The following ZNF691 variants were observed in gnomAD, a reference collection of about 807,000 sequenced individuals.
ZNF691 encodes the protein zinc finger protein 691.
A neutral mutation model predicts 24.1 loss-of-function variants in ZNF691; 11 were observed. That is an observed-to-expected ratio of 0.46 (90% CI 0.29 to 0.75). The LOEUF is 0.75. Ranked by LOEUF, ZNF691 falls within the 30% of genes least tolerant of loss-of-function variation. The probability of loss-of-function intolerance (pLI) is 0.11; values close to 1 mark genes in which losing one functional copy is unlikely to be tolerated. For missense variants in ZNF691, 356 were observed against 409.0 expected (o/e 0.87, Z 1.12); for synonymous variants, 149 against 153.9 (o/e 0.97, Z 0.23).
rs1655419257 is a variant in ZNF691 at position 42,852,252 on chromosome 1, C to T, written c.*439C>T. On this transcript the variant is annotated 3_prime_UTR_variant, in exon 4 of 4. Transcript: ENST00000651192. ...CTAGTTCCCACCTGTTGTGCCCCAACTTTGCTTCTAGATCTCTGGGGTGGG... is the reference window on the plus strand; with the variant it reads ...CTAGTTCCCACCTGTTGTGCCCCAATTTTGCTTCTAGATCTCTGGGGTGGG... 3.3e-6 allele frequency: 1 copy of T among 303,766 alleles called. No homozygotes were observed. Among genetic ancestry groups the T allele is most frequent in the African/African-American group, 2.2e-5 (1 of 45,496 alleles). 18.8% of individuals were successfully genotyped at this position (303,766 alleles called of 1,614,324 possible).
At chr1:42,850,609 A>C in intron 3 of ZNF691, 1 of 1,522,026 alleles carries the variant, frequency 6.6e-7, no homozygotes, top group Admixed American at 2.3e-5. Context: ...TCCCAAAATG[A>C]AAGCTCTTTT....
In ZNF691 at chr1:42,851,654, C is replaced by A; in HGVS notation, c.789C>A (p.Thr263=). 1 of 1,614,214 alleles carries A rather than the reference C, an allele frequency of 6.2e-7. No individual in the cohort carries two copies. Among genetic ancestry groups the A allele is most frequent in the Non-Finnish European group, 8.5e-7 (1 of 1,180,048 alleles). Residue 263 remains threonine, a synonymous_variant, in exon 4 of 4, where the codon ACC becomes ACA. Transcript: ENST00000651192. This position sits in a 1 kb window ranked among gnomAD's most constrained non-coding sequence, Gnocchi z 4.7. ...ATGAGTGCACTGAGTGTGGGCGGAC[C>A]TTCAGCGATATCTCCAACTTTGGAG... ...RPYECTECGR[T]FSDISNFGAH...
chr1:42,848,090 C>G (rs1655288277), intron 1 of ZNF691, among the ~76,000 whole-genome samples: 1 of 152,198 alleles, frequency 6.6e-6, no homozygotes, highest in Admixed American at 6.5e-5. Context: ...GTATCACAAA[C>G]TGAGTGGTAA....
chr1:42,849,742 G>C lies in ZNF691; in HGVS notation c.84G>C (p.Glu28Asp). ...AGGAAATGCTACCACTCTCATCAGA[G>C]GTACTTTTCCCCCCAACTCTTTCCC... is the stretch of plus-strand genomic sequence containing the variant. ...GPEEMLPLSS[E>D]GSEMGSEKEQ... The change falls in exon 3 of 4, where the codon GAG becomes GAC. Residue 28 changes from glutamate (E) to aspartate (D), a missense_variant and splice_region_variant. Glu to Asp is a conservative substitution (Grantham distance 45). Coordinates refer to ENST00000651192, the MANE Select transcript of ZNF691 (RefSeq NM_001242739.2). 6.4e-7 allele frequency: 1 copy of C among 1,550,896 alleles called. No homozygotes were observed.
At chr1:42,850,716 A>T (rs892750684) in intron 3 of ZNF691, 9 of 1,550,532 alleles carry the variant, frequency 5.8e-6, no homozygotes, top group Non-Finnish European at 7.0e-6. Context: ...GTGGTGGTGG[A>T]CAAAGCCGGT....
At position 42,849,678 on chromosome 1, in the gene ZNF691, C is replaced by G. The variant is rs1184026170; in HGVS notation, c.20C>G (p.Thr7Ser). 1.9e-6 allele frequency: 3 copies of G among 1,551,100 alleles called. No individual in the cohort carries two copies. Reference protein sequence around the residue: MSLCSPTHSAEMSLFLQ... With the variant: MSLCSPSHSAEMSLFLQ... ...TTGTTCATGTCACTCTGTTCACCAACCCACTCTGCTGAAATGTCGTTATTT... is the reference window on the plus strand; with the variant it reads ...TTGTTCATGTCACTCTGTTCACCAAGCCACTCTGCTGAAATGTCGTTATTT... Residue 7 changes from threonine to serine, a missense_variant, in exon 3 of 4, where the codon ACC becomes AGC. Coordinates refer to ENST00000651192, the MANE Select transcript of ZNF691 (RefSeq NM_001242739.2).
chr1:42,846,997 G>C (rs1480051738), intron 1 of ZNF691, among the ~76,000 whole-genome samples: 1 of 151,910 alleles, frequency 6.6e-6, no homozygotes, highest in Non-Finnish European at 1.5e-5. Flanking sequence ...ACCAGCTCTT[G>C]TACCCTTGGA....
At position 42,849,808 on chromosome 1, in the gene ZNF691, A is replaced by G. The variant is rs1187539288; in HGVS notation, c.84+66A>G. The G allele has an allele frequency of 3.1e-6, 4 of 1,310,528 alleles. No homozygotes were observed. In the African/African-American group the frequency reaches 4.4e-5, roughly 14 times the overall value. The allele number at this position is 1,310,528 out of a possible 1,614,324, so 81.2% of individuals were successfully genotyped here. A position where few individuals can be genotyped will look rare whatever the true frequency, so the allele number is the denominator to read the frequency against. ...GAACCCAAAGGAGTCTGTGCAGCTT[A>G]GCACACATTAGTGATGTTTGCACAA... On this transcript the variant is annotated intron_variant, in intron 3 of 3. Coordinates refer to ENST00000651192, the MANE Select transcript of ZNF691 (RefSeq NM_001242739.2).
rs763861151 is a variant in ZNF691, at chr1:42,850,975, A to G, written c.110A>G (p.Glu37Gly). ...GGTTCAGAGATGGGCAGTGAGAAGG[A>G]GCAGAGTCCAGAACCACACCTGCCT... ...SEGSEMGSEK[E>G]QSPEPHLPEE... Residue 37 changes from glutamate to glycine, a missense_variant, in exon 4 of 4, where the codon GAG becomes GGG. Transcript: ENST00000651192. The G allele has an allele frequency of 2.0e-6, 3 of 1,536,540 alleles. No individual in the cohort carries two copies. The highest frequency in any genetic ancestry group is 2.6e-5 in the South Asian group (2 of 76,594).
rs749840780 is a variant in ZNF691 at position 42,851,623 on chromosome 1, G to A, written c.758G>A (p.Arg253Lys). The A allele has an allele frequency of 3.7e-5, 60 of 1,613,892 alleles. 1 individual carries two copies. In the South Asian group the frequency reaches 4.3e-4, roughly 12 times the overall value. The change falls in exon 4 of 4, where the codon AGA becomes AAA. Residue 253 changes from arginine (R) to lysine (K), a missense_variant. By Grantham distance (26) the Arg-to-Lys change is conservative. Transcript: ENST00000651192. This position sits in a 1 kb window ranked among gnomAD's most constrained non-coding sequence, Gnocchi z 4.7. ...CATCACCGCACCCACACAGGTGAGA[G>A]ACCTTATGAGTGCACTGAGTGTGGG... is the stretch of plus-strand genomic sequence containing the variant. ...GVHHRTHTGE[R>K]PYECTECGRT... is the part of the protein sequence containing the mutation.
At chr1:42,848,578 G>A (rs148221339) in intron 1 of ZNF691, among the ~76,000 whole-genome samples, 42 of 152,166 alleles carry the variant, frequency 2.8e-4, no homozygotes, top group African/African-American at 9.9e-4. Context: ...GACAGAGCTG[G>A]TGTTTTATTC....
intron 3 of ZNF691, 149 bp from the exon 4 acceptor site, chr1:42,850,801 A>T: frequency 1.3e-6 from 2 of 1,549,310 alleles, no homozygotes; most frequent in Non-Finnish European, 1.7e-6. Flanking sequence ...AAGTAAAGGT[A>T]TTCTATCCAA....
rs745981447 is a variant in ZNF691 at position 42,851,780 on chromosome 1, C to T, written c.915C>T (p.His305=). 7 of 1,614,054 alleles carry T rather than the reference C, an allele frequency of 4.3e-6. No individual in the cohort carries two copies. In the Admixed American group the frequency reaches 6.7e-5, roughly 15 times the overall value. ...ATCTCATCCGCCACCAGAAAACTCA[C>T]TTGGGCGAACAGGCTGGGAAAGATT... is the stretch of plus-strand genomic sequence containing the variant. ...SSNLIRHQKT[H]LGEQAGKDSS Residue 305 remains histidine (H), a synonymous_variant, in exon 4 of 4, where the codon CAC becomes CAT. Coordinates refer to ENST00000651192, the MANE Select transcript of ZNF691 (RefSeq NM_001242739.2). This position sits in a 1 kb window ranked among gnomAD's most constrained non-coding sequence, Gnocchi z 4.7.
At chr1:42,850,879 G>A in intron 3 of ZNF691, 71 bp from the exon 4 acceptor site, 2 of 1,554,078 alleles carry the variant, frequency 1.3e-6, no homozygotes, top group Non-Finnish European at 8.7e-7. Context: ...CCTTCAAACT[G>A]AACAAAAGAT....
rs749492642 is a variant in ZNF691, at chr1:42,851,015, G to C, written c.150G>C (p.Gly50=). Residue 50 remains glycine (G), a synonymous_variant, in exon 4 of 4, where the codon GGG becomes GGC. Transcript: ENST00000651192. This position sits in a 1 kb window ranked among gnomAD's most constrained non-coding sequence, Gnocchi z 4.7. ...PEPHLPEEGE[G]GKPWRVDDSE... ...CACACCTGCCTGAGGAAGGGGAAGG[G>C]GGTAAGCCTTGGAGAGTGGATGACT... is the stretch of plus-strand genomic sequence containing the variant. 6.3e-5 allele frequency: 98 copies of C among 1,558,650 alleles called. 1 individual carries two copies. The highest frequency in any genetic ancestry group is 1.7e-4 in the Middle Eastern group (1 of 5,774).
rs543387768 is a variant in ZNF691 at position 42,849,899 on chromosome 1, G to A, written c.84+157G>A. ...GGGTGGGGTGTGGGGAGTGTGGTTT[G>A]TGTGTCTGTGTCTGTGTTTATCTTT... On this transcript the variant is annotated intron_variant, in intron 3 of 3. Coordinates refer to ENST00000651192, the MANE Select transcript of ZNF691 (RefSeq NM_001242739.2). Among the ~76,000 whole-genome samples the A allele has an allele frequency of 6.6e-5, 10 of 152,168 alleles. No homozygotes were observed. The South Asian group carries it at 1.9e-3, about 28-fold the overall frequency.
rs1655422386 is a variant in ZNF691, at chr1:42,852,368, G to GGGTCCCC, written c.*555_*556insGGTCCCC. ...GAAATGAAAGGGAAACCCTCAGGGA[G>GGGTCCCC]CCATGACCCAGGGACCTTCACACTC... On this transcript the variant is annotated 3_prime_UTR_variant, in exon 4 of 4. Transcript: ENST00000651192. The GGGTCCCC allele has an allele frequency of 4.8e-6, 1 of 206,302 alleles. No individual in the cohort carries two copies. Among genetic ancestry groups the GGGTCCCC allele is most frequent in the African/African-American group, 2.4e-5 (1 of 42,248 alleles). The allele number at this position is 206,302 out of a possible 1,614,324, so 12.8% of individuals were successfully genotyped here.
At chr1:42,850,233 A>T (rs2124389716) in intron 3 of ZNF691, among the ~76,000 whole-genome samples, 1 of 133,396 alleles carries the variant, frequency 7.5e-6, no homozygotes, top group Middle Eastern at 3.7e-3. Flanking sequence ...GTGTGCATGC[A>T]TGCGTGTGTG....
intron 1 of ZNF691, among the ~76,000 whole-genome samples, chr1:42,848,184 C>T (rs974628412): frequency 2.0e-5 from 3 of 152,104 alleles, no homozygotes; most frequent in Non-Finnish European, 2.9e-5. Context: ...TATAGGTTCT[C>T]AGAATAGCAG....
Sources: gnomAD v4.1 joint callset for allele counts (sites outside exome capture counted in the v4.1 genomes callset) on GRCh38, gnomAD v4.1.1 for gene constraint, Gnocchi (gnomAD v3.1) non-coding constraint, MANE v1.5 for transcripts, NCBI Gene and HGNC (gene_info 2026-07-23, HGNC 2026-07-21) for gene names.